GDPD1: variants seen among roughly 807,000 people sequenced by gnomAD.
The protein encoded by GDPD1 is lysophospholipase D GDPD1.
GDPD1 carries 28 observed loss-of-function variants against 45.1 expected under a neutral mutation model. The ratio of observed to expected loss-of-function variants is 0.62; its 90% CI spans 0.46 to 0.85. The LOEUF (loss-of-function observed/expected upper bound fraction) is 0.85, where lower values mean the gene tolerates loss of function less well. Ranked by LOEUF, GDPD1 falls within the 40% of genes least tolerant of loss-of-function variation. GDPD1 has a pLI of 0.00. For synonymous variants in GDPD1, 139 were observed against 131.4 expected (o/e 1.06, Z -0.40); for missense variants, 256 against 364.8 (o/e 0.70, Z 2.43).
At chr17:59,232,179 G>T (rs1015829643) in intron 1 of GDPD1, among the ~76,000 whole-genome samples, 2 of 152,122 alleles carry the variant, frequency 1.3e-5, no homozygotes, top group African/African-American at 4.8e-5. Context: ...CAAGCTGGGC[G>T]CGGTGGCTCA....
At chr17:59,260,220 A>G (rs894991193) in intron 6 of GDPD1, among the ~76,000 whole-genome samples, 2 of 151,898 alleles carry the variant, frequency 1.3e-5, no homozygotes, top group South Asian at 2.1e-4. Flanking sequence ...AGGACCATCT[A>G]TCTACCCACT....
Position 59,270,985 on chromosome 17 carries a change from C to A in GDPD1, c.760C>A (p.Leu254Ile). Residue 254 changes from leucine to isoleucine, a missense_variant, in exon 8 of 10, where the codon CTT becomes ATT. Leu to Ile is a conservative substitution (Grantham distance 5). Coordinates refer to ENST00000284116, the MANE Select transcript of GDPD1 (RefSeq NM_182569.4). ...MSRSQKFLIWLSDLLLMRKAL... is the reference protein window; with the variant it reads ...MSRSQKFLIWISDLLLMRKAL... ...CAGAAGTCAAAAGTTTCTCATCTGG[C>A]TTTCTGATCTGTAAGAATTTTAATT... 1 of 1,588,696 alleles carries A rather than the reference C, an allele frequency of 6.3e-7. No individual in the cohort carries two copies. Among genetic ancestry groups the A allele is most frequent in the Non-Finnish European group, 8.6e-7 (1 of 1,160,752 alleles).
rs568748252 is a variant in GDPD1 at position 59,273,085 on chromosome 17, G to GTA, written c.822+260_822+261dup. ...GGGGTGGGACAGTGTTTGTGTGTGTGTATATATATATAAATATATGTATGT... is the reference window on the plus strand; with the variant it reads ...GGGGTGGGACAGTGTTTGTGTGTGTGTATATATATATATAAATATATGTATGT... On this transcript the variant is annotated intron_variant, in intron 9 of 9. Transcript: ENST00000284116. The GTA allele has an allele frequency of 2.8e-3, 919 of 331,340 alleles. 10 individuals carry two copies. The highest frequency in any genetic ancestry group is 0.017 in the African/African-American group (797 of 45,644). The allele number at this position is 331,340 out of a possible 1,614,324, so 20.5% of individuals were successfully genotyped here.
At chr17:59,253,091 T>C (rs1055858422) in intron 4 of GDPD1, among the ~76,000 whole-genome samples, 2 of 152,082 alleles carry the variant, frequency 1.3e-5, no homozygotes, top group Admixed American at 1.3e-4. Flanking sequence ...ATTTGGATAA[T>C]CTACAGTTGA....
chr17:59,271,480 T>A (rs541838121), intron 8 of GDPD1, among the ~76,000 whole-genome samples: 1 of 152,308 alleles, frequency 6.6e-6, no homozygotes, highest in South Asian at 2.1e-4. Flanking sequence ...TTAGACATGA[T>A]GAGTTTAATT....
At chr17:59,262,063 G>T (rs924651748) in intron 6 of GDPD1, among the ~76,000 whole-genome samples, 1 of 149,424 alleles carries the variant, frequency 6.7e-6, no homozygotes, top group African/African-American at 2.5e-5. Flanking sequence ...GACTACAGGC[G>T]CCCGCCACTA....
chr17:59,272,697 A>T, intron 8 of GDPD1, 88 bp from the exon 9 acceptor site: 1 of 779,846 alleles, frequency 1.3e-6, no homozygotes, highest in Non-Finnish European at 2.3e-6. Context: ...CATTGGGATT[A>T]AATTAAACTG....
intron 4 of GDPD1, among the ~76,000 whole-genome samples, chr17:59,254,059 T>TAAA (rs11284499): frequency 4.1e-5 from 5 of 123,338 alleles, no homozygotes; most frequent in African/African-American, 5.9e-5. Flanking sequence ...CATCTCTACT[T>TAAA]AAAAAAAAAA....
intron 4 of GDPD1, among the ~76,000 whole-genome samples, chr17:59,249,518 A>C (rs933856881): frequency 6.6e-6 from 1 of 152,212 alleles, no homozygotes; most frequent in Non-Finnish European, 1.5e-5. Context: ...TAGCTGCTCC[A>C]TATTTTAAAT....
rs749451321 is a variant in GDPD1 at position 59,220,718 on chromosome 17, C to A, written c.109C>A (p.Arg37=). ...CTTGCTGCACCAGAGAAAGAAGCAGCGATTCCTCAGTAAACACATCTCTCA... is the reference window on the plus strand; with the variant it reads ...CTTGCTGCACCAGAGAAAGAAGCAGAGATTCCTCAGTAAACACATCTCTCA... ...PTLLHQRKKQ[R]FLSKHISHRG... is the part of the protein sequence containing the mutation. The change falls in exon 1 of 10, where the codon CGA becomes AGA. Residue 37 remains arginine (R), a synonymous_variant. Coordinates refer to ENST00000284116, the MANE Select transcript of GDPD1 (RefSeq NM_182569.4). The A allele has an allele frequency of 1.2e-6, 2 of 1,613,954 alleles. No homozygotes were observed. The highest frequency in any genetic ancestry group is 1.7e-5 in the Admixed American group (1 of 60,022).
At chr17:59,246,439 C>T (rs2047211864) in intron 3 of GDPD1, among the ~76,000 whole-genome samples, 1 of 151,526 alleles carries the variant, frequency 6.6e-6, no homozygotes, top group Non-Finnish European at 1.5e-5. Flanking sequence ...GCCAACATGG[C>T]AAAACTCCGT....
intron 4 of GDPD1, among the ~76,000 whole-genome samples, chr17:59,254,295 A>G (rs936444730): frequency 6.8e-6 from 1 of 147,116 alleles, no homozygotes; most frequent in Non-Finnish European, 1.5e-5. Context: ...CGGGAGGCAG[A>G]GGTTGCGATG....
intron 6 of GDPD1, among the ~76,000 whole-genome samples, chr17:59,262,150 G>T (rs1455099771): frequency 6.6e-6 from 1 of 151,596 alleles, no homozygotes; most frequent in East Asian, 1.9e-4. Context: ...TCGATCTCCT[G>T]ACCTCGTGAT....
At position 59,267,164 on chromosome 17, in the gene GDPD1, A is replaced by G; in HGVS notation, c.700A>G (p.Ile234Val). 2 of 1,613,610 alleles carry G rather than the reference A, an allele frequency of 1.2e-6. No homozygotes were observed. Among genetic ancestry groups the G allele is most frequent in the Non-Finnish European group, 8.5e-7 (1 of 1,179,724 alleles). ...GTTTTTTGAAATCCCAATGCCTTCT[A>G]TTATACTGAAGTAAGTGGTTACCCT... ...EQFFEIPMPS[I>V]ILKLKEPHTM... The change falls in exon 7 of 10, where the codon ATT becomes GTT. Residue 234 changes from isoleucine (I) to valine (V), a missense_variant. By Grantham distance (29) the Ile-to-Val change is conservative. Transcript: ENST00000284116.
chr17:59,224,666 G>T (rs1038200058), intron 1 of GDPD1, among the ~76,000 whole-genome samples: 4 of 151,066 alleles, frequency 2.6e-5, no homozygotes, highest in Middle Eastern at 3.4e-3. Flanking sequence ...AAAAAACTAC[G>T]ACTTGTTGAG....
intron 2 of GDPD1, among the ~76,000 whole-genome samples, chr17:59,240,363 A>G (rs2047166626): frequency 6.6e-6 from 1 of 152,122 alleles, no homozygotes; most frequent in African/African-American, 2.4e-5. Flanking sequence ...AAGAAAGAAA[A>G]TATATTTGTA....
intron 2 of GDPD1, among the ~76,000 whole-genome samples, chr17:59,243,316 G>A (rs564628858): frequency 6.6e-6 from 1 of 152,108 alleles, no homozygotes; most frequent in Non-Finnish European, 1.5e-5. Flanking sequence ...GACCAGCCTG[G>A]CCAATATGGT....
chr17:59,242,515 A>G (rs1027824034), intron 2 of GDPD1, among the ~76,000 whole-genome samples: 1 of 152,250 alleles, frequency 6.6e-6, no homozygotes, highest in Non-Finnish European at 1.5e-5. Context: ...TATAAGAGGT[A>G]ACTCCTGTTA....
chr17:59,226,608 G>A lies in GDPD1; in HGVS notation c.142+5857G>A, dbSNP rs989776410. ...AAGAAGAAAAATTTAATACAAATAT[G>A]TTCAGATGGTATTGTATATAAAACA... On this transcript the variant is annotated intron_variant, in intron 1 of 9. Transcript: ENST00000284116. Among the ~76,000 whole-genome samples the A allele has an allele frequency of 2.0e-5, 3 of 152,096 alleles. No homozygotes were observed. In the South Asian group the frequency reaches 6.2e-4, roughly 31 times the overall value.
Sources: allele counts gnomAD v4.1 joint callset (sites outside exome capture counted in the v4.1 genomes callset), GRCh38; gene constraint gnomAD v4.1.1; transcripts MANE v1.5; gene names NCBI Gene and HGNC (gene_info 2026-07-23, HGNC 2026-07-21).